Variants in THADA observed in about 807,000 individuals in gnomAD.
The protein encoded by THADA is tRNA (32-2'-O)-methyltransferase regulator THADA.
THADA carries 213 observed loss-of-function variants against 219.8 expected under a neutral mutation model. That is an observed-to-expected ratio of 0.97 (90% CI 0.87 to 1.09). THADA has a LOEUF of 1.09. Ranked by LOEUF, THADA falls within the 50% of genes least tolerant of loss-of-function variation. The pLI is 0.00. For missense variants in THADA, 2,956 were observed against 2,311.3 expected (o/e 1.28, Z -5.72); for synonymous variants, 1,018 against 828.9 (o/e 1.23, Z -3.92).
At position 43,521,481 on chromosome 2, in the gene THADA, G is replaced by A. The variant is rs886319241; in HGVS notation, c.3374+6398C>T. 7.2e-5 allele frequency among the ~76,000 whole-genome samples: 11 copies of A among 152,234 alleles called. No individual in the cohort carries two copies. In the East Asian group the frequency reaches 1.2e-3, roughly 16 times the overall value. ...TGAGGTGGGAGATTCACTTGAACCC[G>A]GGAGACAGAGGTTGCAGTGAGCCGA... On this transcript the variant is annotated intron_variant, in intron 22 of 37. Coordinates refer to ENST00000405975, the MANE Select transcript of THADA (RefSeq NM_022065.5).
At chr2:43,357,548 T>C (rs889706115) in intron 29 of THADA, among the ~76,000 whole-genome samples, 10 of 152,218 alleles carry the variant, frequency 6.6e-5, no homozygotes, top group African/African-American at 1.7e-4. Flanking sequence ...CAAACAGATA[T>C]GAGCAAAGGT....
At chr2:43,573,564 CA>C (rs1699523119) in intron 11 of THADA, among the ~76,000 whole-genome samples, 2 of 152,142 alleles carry the variant, frequency 1.3e-5, no homozygotes, top group South Asian at 2.1e-4. Context: ...TTCAAAAACT[CA>C]AGAACAAGTG....
chr2:43,419,165 G>C (rs577746785), intron 28 of THADA, among the ~76,000 whole-genome samples: 14 of 152,310 alleles, frequency 9.2e-5, no homozygotes, highest in Non-Finnish European at 2.1e-4. Flanking sequence ...GGTTGGGCAA[G>C]GGCACAAAGT....
At chr2:43,405,817 G>A (rs779643968) in intron 28 of THADA, among the ~76,000 whole-genome samples, 2 of 151,948 alleles carry the variant, frequency 1.3e-5, no homozygotes, top group Admixed American at 6.6e-5. Context: ...GTTACCTATC[G>A]GGCAGCTCAA....
chr2:43,590,261 A>G (rs1559036193), intron 4 of THADA, among the ~76,000 whole-genome samples: 1 of 152,204 alleles, frequency 6.6e-6, no homozygotes, highest in Admixed American at 6.5e-5. Context: ...AGAGGAAAAA[A>G]CAGCAAGATG....
chr2:43,277,358 G>C (rs1441930535), intron 36 of THADA: 1 of 152,986 alleles, frequency 6.5e-6, no homozygotes, highest in Non-Finnish European at 1.5e-5. Flanking sequence ...TCCACTCACT[G>C]CTGCCCAATC....
In THADA at chr2:43,592,074, T is replaced by C. The variant is rs1011501300; in HGVS notation, c.77-28A>G. On this transcript the variant is annotated intron_variant, in intron 2 of 37. Transcript: ENST00000405975. ...ATATAACATATACAAAAAAAAATTTTCAATGATTTAACAGTGAGTTAACTT... is the reference window on the plus strand; with the variant it reads ...ATATAACATATACAAAAAAAAATTTCCAATGATTTAACAGTGAGTTAACTT... The C allele has an allele frequency of 4.0e-6, 6 of 1,501,234 alleles. 1 individual carries two copies. The Admixed American group carries it at 1.4e-4, about 36-fold the overall frequency. The allele number at this position is 1,501,234 out of a possible 1,614,324, so 93.0% of individuals were successfully genotyped here.
Position 43,566,693 on chromosome 2 carries a change from C to G in THADA, c.2311+5G>C. On this transcript the variant is annotated splice_donor_5th_base_variant and intron_variant, in intron 15 of 37. Transcript: ENST00000405975. The stretch of plus-strand genomic sequence containing the variant: ...TTACTTCCCCTAACATTATTAAACA[C>G]TTACCTTCTGGGACATGAAAAACTT... 1 of 1,608,974 alleles carries G rather than the reference C, an allele frequency of 6.2e-7. No homozygotes were observed. Among genetic ancestry groups the G allele is most frequent in the Non-Finnish European group, 8.5e-7 (1 of 1,178,378 alleles).
intron 28 of THADA, among the ~76,000 whole-genome samples, chr2:43,426,654 A>G (rs1678470145): frequency 6.6e-6 from 1 of 152,166 alleles, no homozygotes; most frequent in Non-Finnish European, 1.5e-5. Flanking sequence ...GGCGCAAACA[A>G]ATAGCTCTGC....
chr2:43,531,118 C>A (rs1489514423), intron 21 of THADA, among the ~76,000 whole-genome samples: 1 of 152,202 alleles, frequency 6.6e-6, no homozygotes, highest in African/African-American at 2.4e-5. Context: ...CCTCAGCAGG[C>A]TTTTAGTTCA....
chr2:43,356,908 G>A (rs1407955090), intron 29 of THADA, among the ~76,000 whole-genome samples: 1 of 152,108 alleles, frequency 6.6e-6, no homozygotes, highest in Non-Finnish European at 1.5e-5. Context: ...GATTTTCTCA[G>A]GGCACTTGCT....
chr2:43,390,031 T>C (rs1378668133), intron 29 of THADA, among the ~76,000 whole-genome samples: 1 of 152,312 alleles, frequency 6.6e-6, no homozygotes, highest in African/African-American at 2.4e-5. Flanking sequence ...CAATAAATAT[T>C]TGCTAAGCAG....
At chr2:43,586,348 G>A in intron 7 of THADA, 53 bp downstream of exon 7, 1 of 1,391,770 alleles carries the variant, frequency 7.2e-7, no homozygotes, top group Non-Finnish European at 9.7e-7. Context: ...TTTGTACAAA[G>A]ATAATGTACA....
chr2:43,519,655 T>C (rs1692161051), intron 22 of THADA, among the ~76,000 whole-genome samples: 1 of 152,212 alleles, frequency 6.6e-6, no homozygotes, highest in African/African-American at 2.4e-5. Flanking sequence ...CCATATCATA[T>C]TCTCAATGGT....
intron 26 of THADA, among the ~76,000 whole-genome samples, chr2:43,432,037 T>C (rs1275299203): frequency 1.5e-5 from 2 of 129,972 alleles, no homozygotes; most frequent in East Asian, 2.0e-4. Flanking sequence ...TTTGTATTTT[T>C]AGTAGAGACG....
intron 28 of THADA, among the ~76,000 whole-genome samples, chr2:43,426,877 T>C (rs1678511326): frequency 6.6e-6 from 1 of 152,286 alleles, no homozygotes; most frequent in Non-Finnish European, 1.5e-5. Context: ...AGCAGAAAGG[T>C]AATAGCTAAC....
chr2:43,371,924 G>A (rs1269795238), intron 29 of THADA: 1 of 152,036 alleles, frequency 6.6e-6, no homozygotes, highest in Non-Finnish European at 1.5e-5. Context: ...TACTCCCCAA[G>A]TCAGTGATGG....
intron 21 of THADA, among the ~76,000 whole-genome samples, chr2:43,531,783 T>C (rs1055260008): frequency 1.3e-5 from 2 of 152,174 alleles, no homozygotes; most frequent in Non-Finnish European, 2.9e-5. Flanking sequence ...GGATAATGGA[T>C]GTACAAAATA....
At position 43,231,306 on chromosome 2, in the gene THADA, T is replaced by A. The variant is rs746648119; in HGVS notation, c.5504A>T (p.Asn1835Ile). Residue 1835 changes from asparagine to isoleucine, a missense_variant, in exon 38 of 38, where the codon AAC becomes ATC. Physicochemically the swap from Asn to Ile is moderately radical, Grantham distance 149. Transcript: ENST00000405975. ...EDYLFEKAEV[N>I]FWAETLIFVK... ...AAAGATCAGGGTCTCGGCCCAAAAG[T>A]TGACTTCTGCTTTTTCAAACAGGTA... 2.5e-6 allele frequency: 4 copies of A among 1,572,566 alleles called. No individual in the cohort carries two copies. In the South Asian group the frequency reaches 4.8e-5, roughly 19 times the overall value.
Sources: gnomAD v4.1 joint callset for allele counts (sites outside exome capture counted in the v4.1 genomes callset) on GRCh38, gnomAD v4.1.1 for gene constraint, MANE v1.5 for transcripts, NCBI Gene and HGNC (gene_info 2026-07-23, HGNC 2026-07-21) for gene names.